ZCCHC2: variants seen among roughly 807,000 people sequenced by gnomAD.
ZCCHC2 encodes zinc finger CCHC domain-containing protein 2.
A neutral mutation model predicts 103.6 loss-of-function variants in ZCCHC2; 39 were observed. The ratio of observed to expected loss-of-function variants is 0.38; its 90% confidence interval spans 0.29 to 0.49. ZCCHC2 has a LOEUF of 0.49. Among genes scored for constraint, ZCCHC2 ranks in the 20% least tolerant of loss-of-function variants. The pLI is 0.96. For missense variants in ZCCHC2, 1,483 were observed against 1,491.0 expected (o/e 0.99, Z 0.09); for synonymous variants, 687 against 608.9 (o/e 1.13, Z -1.89).
At position 62,563,149 on chromosome 18, in the gene ZCCHC2, G is replaced by T. The variant is rs1480595253; in HGVS notation, c.1686+5G>T. ...TGTGTGACCTCGGCTGACCAGGTGT[G>T]TGGGGAGTTTGTTTTGGAGCTATAT... On this transcript the variant is annotated splice_donor_5th_base_variant and intron_variant, in intron 9 of 13. Coordinates refer to ENST00000269499, the MANE Select transcript of ZCCHC2 (RefSeq NM_017742.6). 1 of 1,611,074 alleles carries T rather than the reference G, an allele frequency of 6.2e-7. No individual in the cohort carries two copies. Among genetic ancestry groups the T allele is most frequent in the Non-Finnish European group, 8.5e-7 (1 of 1,177,718 alleles).
Position 62,559,994 on chromosome 18 carries a change from C to T in ZCCHC2, c.1493-593C>T, listed in dbSNP as rs1330359244. Among the ~76,000 whole-genome samples, 4 of 152,258 alleles carry T rather than the reference C, an allele frequency of 2.6e-5. No individual in the cohort carries two copies. In the East Asian group the frequency reaches 5.8e-4, roughly 22 times the overall value. On this transcript the variant is annotated intron_variant, in intron 7 of 13. Coordinates refer to ENST00000269499, the MANE Select transcript of ZCCHC2 (RefSeq NM_017742.6). Reference sequence around the variant, plus strand: ...CAGGAGGATGTGCATAGATTACATGCAAATACTGAAGGACAGTTGTATATT... The same window carrying T: ...CAGGAGGATGTGCATAGATTACATGTAAATACTGAAGGACAGTTGTATATT...
intron 8 of ZCCHC2, among the ~76,000 whole-genome samples, chr18:62,561,578 G>A (rs141882950): frequency 2.6e-5 from 4 of 152,284 alleles, no homozygotes; most frequent in Non-Finnish European, 5.9e-5. Context: ...GATGCTTCCA[G>A]CCTCCACTGT....
chr18:62,526,653 C>T (rs955029872), intron 1 of ZCCHC2, among the ~76,000 whole-genome samples: 5 of 152,152 alleles, frequency 3.3e-5, no homozygotes, highest in African/African-American at 7.2e-5. Flanking sequence ...GCGGGCGCAC[C>T]TCCCCATCGT....
rs559143809 is a variant in ZCCHC2, at chr18:62,570,023, A to G, written c.1847-80A>G. 4 of 1,392,258 alleles carry G rather than the reference A, an allele frequency of 2.9e-6. No homozygotes were observed. The South Asian group carries it at 4.4e-5, about 15-fold the overall frequency. The allele number at this position is 1,392,258 out of a possible 1,614,324, so 86.2% of individuals were successfully genotyped here. A position where few individuals can be genotyped will look rare whatever the true frequency, so the allele number is the denominator to read the frequency against. On this transcript the variant is annotated intron_variant, in intron 11 of 13. Coordinates refer to ENST00000269499, the MANE Select transcript of ZCCHC2 (RefSeq NM_017742.6). ...GGAAACTGAAGAAAATATAGCTAAAATTAATTTCTAATGATTCAACTTAGA... is the reference window on the plus strand; with the variant it reads ...GGAAACTGAAGAAAATATAGCTAAAGTTAATTTCTAATGATTCAACTTAGA...
chr18:62,527,987 T>C (rs1914509760), intron 1 of ZCCHC2, among the ~76,000 whole-genome samples: 1 of 152,164 alleles, frequency 6.6e-6, no homozygotes, highest in Admixed American at 6.5e-5. Context: ...ATTTTGGAGG[T>C]TTAGTCCCCA....
At chr18:62,562,741 G>A (rs186555533) in intron 8 of ZCCHC2, among the ~76,000 whole-genome samples, 1 of 152,194 alleles carries the variant, frequency 6.6e-6, no homozygotes, top group Non-Finnish European at 1.5e-5. Context: ...TGTCCCAGCT[G>A]TAAGCAGTGT....
Position 62,524,186 on chromosome 18 carries a change from G to A in ZCCHC2, c.762G>A (p.Arg254=), listed in dbSNP as rs897263080. ...GGGTCGGCGGCGGGCTTGGCTCCAG[G>A]GCCCAGGAGGAACTGCTGCTGCTCT... ...EPRVGGGLGS[R]AQEELLLLFT... The change falls in exon 1 of 14, where the codon AGG becomes AGA. Residue 254 remains arginine (R), a synonymous_variant. Coordinates refer to ENST00000269499, the MANE Select transcript of ZCCHC2 (RefSeq NM_017742.6). The A allele has an allele frequency of 5.2e-6, 8 of 1,548,934 alleles. No individual in the cohort carries two copies. The African/African-American group carries it at 1.1e-4, about 21-fold the overall frequency.
intron 8 of ZCCHC2, among the ~76,000 whole-genome samples, chr18:62,562,129 T>C: frequency 6.6e-6 from 1 of 152,128 alleles, no homozygotes. Flanking sequence ...CCCAAGTAGC[T>C]GGAACTACAG....
In ZCCHC2 at chr18:62,560,638, T is replaced by C. The variant is rs184925168; in HGVS notation, c.1544T>C (p.Ile515Thr). ...IHKKHTGKSPIVNNIGTSCSP... is the reference protein window; with the variant it reads ...IHKKHTGKSPTVNNIGTSCSP... Reference sequence around the variant, plus strand: ...AAGAAGCATACTGGGAAAAGTCCCATTGTGAAGTAAGTATCCTCTTTCTAA... The same window carrying C: ...AAGAAGCATACTGGGAAAAGTCCCACTGTGAAGTAAGTATCCTCTTTCTAA... The change falls in exon 8 of 14, where the codon ATT (isoleucine) becomes ACT (threonine). Residue 515 changes from isoleucine to threonine, a missense_variant. By Grantham distance (89) the Ile-to-Thr change is moderately conservative. Around this residue, in one of 3 missense-constraint regions of ZCCHC2, gnomAD observed 884 missense variants for 907.5 expected, o/e 0.97. Coordinates refer to ENST00000269499, the MANE Select transcript of ZCCHC2 (RefSeq NM_017742.6). The C allele has an allele frequency of 5.0e-6, 8 of 1,612,864 alleles. No homozygotes were observed. Among genetic ancestry groups the C allele is most frequent in the Middle Eastern group, 1.7e-4 (1 of 6,020 alleles).
rs1246455938 is a variant in ZCCHC2, at chr18:62,574,569, A to G, written c.2488A>G (p.Asn830Asp). Residue 830 changes from asparagine to aspartate, a missense_variant, in exon 13 of 14, where the codon AAC becomes GAC. By Grantham distance (23) the Asn-to-Asp change is conservative. Transcript: ENST00000269499. Reference sequence around the variant, plus strand: ...GGGATCTTCTGAGAGCTGCACAGTTAACATCCCACAACAACCACCCGGAAG... The same window carrying G: ...GGGATCTTCTGAGAGCTGCACAGTTGACATCCCACAACAACCACCCGGAAG... ...PQGSSESCTVNIPQQPPGSLS... is the reference protein window; with the variant it reads ...PQGSSESCTVDIPQQPPGSLS... 2 of 1,613,966 alleles carry G rather than the reference A, an allele frequency of 1.2e-6. No individual in the cohort carries two copies. Among genetic ancestry groups the G allele is most frequent in the Non-Finnish European group, 1.7e-6 (2 of 1,179,890 alleles).
At chr18:62,548,262 A>ATTT (rs200228854) in intron 4 of ZCCHC2, among the ~76,000 whole-genome samples, 2 of 151,610 alleles carry the variant, frequency 1.3e-5, no homozygotes, top group East Asian at 1.9e-4. Flanking sequence ...ATATATATAT[A>ATTT]TTTTTTTTAG....
rs1193021036 is a variant in ZCCHC2 at position 62,575,215 on chromosome 18, T to C, written c.3134T>C (p.Val1045Ala). 1.2e-6 allele frequency: 2 copies of C among 1,613,836 alleles called. No individual in the cohort carries two copies. The highest frequency in any genetic ancestry group is 1.7e-5 in the Admixed American group (1 of 60,000). The part of the protein sequence containing the change: ...PNPMPGPMYR[V>A]PSFFTLPSIC... The stretch of plus-strand genomic sequence containing the variant: ...CCAATGCCTGGACCAATGTACCGAG[T>C]CCCTTCATTCTTTACTCTGCCATCC... The change falls in exon 13 of 14, where the codon GTC (valine) becomes GCC (alanine). Residue 1045 changes from valine to alanine, a missense_variant. Val to Ala is a moderately conservative substitution (Grantham distance 64, BLOSUM62 0). Around this residue, in one of 3 missense-constraint regions of ZCCHC2, gnomAD observed 884 missense variants for 907.5 expected, o/e 0.97. Coordinates refer to ENST00000269499, the MANE Select transcript of ZCCHC2 (RefSeq NM_017742.6).
At chr18:62,585,448 G>T (rs1225279314) in exon 15 of ZCCHC2, 2 of 152,246 alleles carry the variant, frequency 1.3e-5, no homozygotes, top group African/African-American at 2.4e-5. Flanking sequence ...GCAGAAACAA[G>T]AACAGTCACC....
rs913394384 is a variant in ZCCHC2, at chr18:62,524,538, G to A, written c.939+175G>A. 8.6e-6 allele frequency: 9 copies of A among 1,049,536 alleles called. No homozygotes were observed. The South Asian group carries it at 9.5e-5, about 11-fold the overall frequency. 65.0% of individuals were successfully genotyped at this position (1,049,536 alleles called of 1,614,324 possible). ...GAGCTTCGTCTCGCTGGGCCGCTCC[G>A]TTCCACTCCCCCACCCCACCCCACA... On this transcript the variant is annotated intron_variant, in intron 1 of 13. Transcript: ENST00000269499.
intron 9 of ZCCHC2, 141 bp downstream of exon 9, chr18:62,563,285 A>G: frequency 1.0e-6 from 1 of 998,234 alleles, no homozygotes; most frequent in Non-Finnish European, 1.4e-6. Context: ...CTTTATACTT[A>G]TATATGATCT....
At chr18:62,562,787 G>A (rs1054807475) in intron 8 of ZCCHC2, among the ~76,000 whole-genome samples, 3 of 152,230 alleles carry the variant, frequency 2.0e-5, no homozygotes, top group Non-Finnish European at 4.4e-5. Context: ...TAAAAGCAGA[G>A]TGTGCAGCTG....
At chr18:62,526,855 C>A (rs905766268) in intron 1 of ZCCHC2, 1 of 151,870 alleles carries the variant, frequency 6.6e-6, no homozygotes, top group African/African-American at 2.4e-5. Context: ...GCCGGCCCCG[C>A]CCCCGGCGCC....
At chr18:62,571,060 T>C (rs1183430194) in intron 12 of ZCCHC2, among the ~76,000 whole-genome samples, 5 of 152,196 alleles carry the variant, frequency 3.3e-5, no homozygotes, top group African/African-American at 9.7e-5. Context: ...TTCCCCAGTT[T>C]TTCATTTTAA....
intron 5 of ZCCHC2, among the ~76,000 whole-genome samples, chr18:62,553,184 G>A (rs1010286600): frequency 6.6e-6 from 1 of 151,222 alleles, no homozygotes; most frequent in Non-Finnish European, 1.5e-5. Flanking sequence ...GTGTGTGTGT[G>A]TGTGTGTGTG....
Sources: gnomAD v4.1 joint callset for allele counts (sites outside exome capture counted in the v4.1 genomes callset) on GRCh38, gnomAD v4.1.1 for gene constraint, gnomAD v4.1.1 regional missense constraint, MANE v1.5 for transcripts, NCBI Gene and HGNC (gene_info 2026-07-23, HGNC 2026-07-21) for gene names.